The following RNF217 variants were observed in gnomAD, a reference collection of about 807,000 sequenced individuals.
RNF217 encodes the protein ring finger protein 217.
In RNF217, 31 loss-of-function variants were observed where a neutral mutation model predicts 57.8. The observed-to-expected ratio is 0.54, with a 90% confidence interval of 0.40 to 0.72. RNF217 has a LOEUF of 0.72. Among genes scored for constraint, RNF217 ranks in the 30% least tolerant of loss-of-function variants. The pLI is 0.00. For missense variants in RNF217, 696 were observed against 708.3 expected, an observed-to-expected ratio of 0.98 and a Z score of 0.20; for synonymous variants, 313 against 294.0, an observed-to-expected ratio of 1.06 and a Z score of -0.66.
Position 124,997,193 on chromosome 6 carries a change from C to G in RNF217, c.882+33767C>G, listed in dbSNP as rs914268723. ...AAGAGAATCCTCTGTTTAAAATGTT[C>G]TGTGTGATGATTGAAAGGATTTTTC... On this transcript the variant is annotated intron_variant, in intron 1 of 5. Transcript: ENST00000521654. 8.5e-5 allele frequency among the ~76,000 whole-genome samples: 13 copies of G among 152,262 alleles called. No individual in the cohort carries two copies. In the South Asian group the frequency reaches 1.4e-3, roughly 17 times the overall value.
chr6:125,030,623 C>G (rs1288219482), intron 1 of RNF217, among the ~76,000 whole-genome samples: 1 of 152,196 alleles, frequency 6.6e-6, no homozygotes, highest in Non-Finnish European at 1.5e-5. Flanking sequence ...GATTCCAGGT[C>G]TCATATCCAG....
At chr6:125,078,578 AG>A (rs1788461673) in intron 4 of RNF217, among the ~76,000 whole-genome samples, 1 of 152,096 alleles carries the variant, frequency 6.6e-6, no homozygotes. Context: ...CCCTTTTGTC[AG>A]GAACCCACTC....
At chr6:124,978,251 T>C (rs925888289) in intron 1 of RNF217, among the ~76,000 whole-genome samples, 1 of 152,022 alleles carries the variant, frequency 6.6e-6, no homozygotes, top group African/African-American at 2.4e-5. Flanking sequence ...GAAATCTCTT[T>C]GGCCACTGCT....
At chr6:125,025,678 G>T (rs1310307941) in intron 1 of RNF217, among the ~76,000 whole-genome samples, 3 of 148,926 alleles carry the variant, frequency 2.0e-5, no homozygotes, top group African/African-American at 7.4e-5. Flanking sequence ...AGGAAAGAAG[G>T]GAGGGATATT....
intron 2 of RNF217, among the ~76,000 whole-genome samples, chr6:125,051,743 T>C (rs1173433801): frequency 6.6e-6 from 1 of 152,094 alleles, no homozygotes; most frequent in African/African-American, 2.4e-5. Context: ...ACAGTGGACC[T>C]CTTGCTACTT....
At position 125,087,721 on chromosome 6, in the gene RNF217, A is replaced by G. The variant is rs1788811806; in HGVS notation, c.*4784A>G. ...CCTGAAGAAAAGTAGCAATTTCTGA[A>G]ATTGTAGTAATCTTGGAATGGTTAT... is the stretch of plus-strand genomic sequence containing the variant. On this transcript the variant is annotated 3_prime_UTR_variant, in exon 6 of 6. Transcript: ENST00000521654. The G allele has an allele frequency of 6.6e-6, 1 of 152,154 alleles. No individual in the cohort carries two copies. Among genetic ancestry groups the G allele is most frequent in the African/African-American group, 2.4e-5 (1 of 41,448 alleles). 9.4% of individuals were successfully genotyped at this position (152,154 alleles called of 1,614,324 possible). A position where few individuals can be genotyped will look rare whatever the true frequency, so the allele number is the denominator to read the frequency against.
At chr6:125,025,056 G>T (rs903147330) in intron 1 of RNF217, among the ~76,000 whole-genome samples, 1 of 152,106 alleles carries the variant, frequency 6.6e-6, no homozygotes, top group Non-Finnish European at 1.5e-5. Flanking sequence ...GAGGATACAG[G>T]GGACAGAAAG....
rs183977775 is a variant in RNF217, at chr6:125,064,663, A to C, written c.1281+6557A>C. Among the ~76,000 whole-genome samples the C allele has an allele frequency of 1.7e-3, 263 of 152,314 alleles. 1 individual carries two copies. Among genetic ancestry groups the C allele is most frequent in the African/African-American group, 5.7e-3 (236 of 41,578 alleles). On this transcript the variant is annotated intron_variant, in intron 3 of 5. Transcript: ENST00000521654. ...AGCAGTCAAATTTGTGCATGCATTT[A>C]GATTTAAGAAACCTTGAAGTGAAAT...
At chr6:125,010,778 A>G (rs1329906667) in intron 1 of RNF217, among the ~76,000 whole-genome samples, 1 of 152,112 alleles carries the variant, frequency 6.6e-6, no homozygotes, top group African/African-American at 2.4e-5. Context: ...GTTCATGTGC[A>G]TTTAGTAGTC....
chr6:124,966,397 T>G (rs1399772532), intron 1 of RNF217, among the ~76,000 whole-genome samples: 1 of 152,206 alleles, frequency 6.6e-6, no homozygotes, highest in Admixed American at 6.5e-5. Context: ...TTTGTTGCCC[T>G]ACTGAACCAC....
intron 1 of RNF217, among the ~76,000 whole-genome samples, chr6:124,998,963 G>C (rs956703475): frequency 6.6e-6 from 1 of 152,170 alleles, no homozygotes; most frequent in Admixed American, 6.5e-5. Flanking sequence ...TCCTTCAAAA[G>C]TGCCTTTTGT....
chr6:125,056,251 G>A (rs1322534728), intron 2 of RNF217, among the ~76,000 whole-genome samples: 1 of 152,114 alleles, frequency 6.6e-6, no homozygotes, highest in African/African-American at 2.4e-5. Flanking sequence ...CATATGTGCT[G>A]TGTTACCTTC....
chr6:124,962,453 G>A lies in RNF217; in HGVS notation c.-92G>A. 4.3e-6 allele frequency: 2 copies of A among 464,622 alleles called. No individual in the cohort carries two copies. Among genetic ancestry groups the A allele is most frequent in the South Asian group, 9.8e-5 (1 of 10,188 alleles). 28.8% of individuals were successfully genotyped at this position (464,622 alleles called of 1,614,324 possible). On this transcript the variant is annotated 5_prime_UTR_variant, in exon 1 of 6. Coordinates refer to ENST00000521654, the MANE Select transcript of RNF217 (RefSeq NM_001286398.3). This position sits in a 1 kb window ranked among gnomAD's most constrained non-coding sequence, Gnocchi z 4.6. ...CCCGGAAGCAGAAGCGGAGCCGCGA[G>A]TCGAGCCGAGCCACTGCCCCCGCTG...
intron 3 of RNF217, among the ~76,000 whole-genome samples, chr6:125,058,329 A>G (rs139473463): frequency 2.0e-5 from 3 of 152,284 alleles, no homozygotes; most frequent in African/African-American, 7.2e-5. Context: ...AGGAGGCCAC[A>G]TATAAATATT....
chr6:125,043,321 G>A (rs1188468364), intron 1 of RNF217, among the ~76,000 whole-genome samples: 1 of 151,820 alleles, frequency 6.6e-6, no homozygotes, highest in Non-Finnish European at 1.5e-5. Flanking sequence ...TCTCACTTTT[G>A]TTTGGCTAAA....
chr6:124,997,163 T>C (rs933986893), intron 1 of RNF217, among the ~76,000 whole-genome samples: 2 of 152,330 alleles, frequency 1.3e-5, no homozygotes, highest in Admixed American at 6.5e-5. Context: ...TGACCAGGCA[T>C]AGAAAAGAGA....
At chr6:125,071,944 C>T (rs1788161380) in intron 3 of RNF217, among the ~76,000 whole-genome samples, 1 of 152,088 alleles carries the variant, frequency 6.6e-6, no homozygotes, top group South Asian at 2.1e-4. Flanking sequence ...CAGAGCTAAA[C>T]TCATGAATAT....
chr6:124,985,798 T>C (rs1246122289), intron 1 of RNF217, among the ~76,000 whole-genome samples: 1 of 152,194 alleles, frequency 6.6e-6, no homozygotes, highest in African/African-American at 2.4e-5. Context: ...ATCTCTAAGG[T>C]TGTACTTTTT....
At chr6:125,019,502 TTA>T (rs1785741766) in intron 1 of RNF217, among the ~76,000 whole-genome samples, 1 of 152,208 alleles carries the variant, frequency 6.6e-6, no homozygotes, top group Non-Finnish European at 1.5e-5. Context: ...TATGTTATTC[TTA>T]TATGACTATT....
Sources: gnomAD v4.1 joint callset for allele counts (sites outside exome capture counted in the v4.1 genomes callset) on GRCh38, gnomAD v4.1.1 for gene constraint, Gnocchi (gnomAD v3.1) non-coding constraint, MANE v1.5 for transcripts, NCBI Gene and HGNC (gene_info 2026-07-23, HGNC 2026-07-21) for gene names.